ZNF148: variants seen among roughly 807,000 people sequenced by gnomAD.
ZNF148 encodes Beta-Enolase Repressor Factor-1.
A neutral mutation model predicts 67.7 loss-of-function variants in ZNF148; 7 were observed. The ratio of observed to expected loss-of-function variants is 0.10; its 90% confidence interval spans 0.06 to 0.19. The LOEUF (loss-of-function observed/expected upper bound fraction) is 0.19. ZNF148 is among the 10% of genes least tolerant of loss of function. The pLI is 1.00. For missense variants in ZNF148, 583 were observed against 947.1 expected (o/e 0.62, Z 5.05); for synonymous variants, 333 against 330.7 (o/e 1.01, Z -0.08).
At position 125,227,074 on chromosome 3, in the gene ZNF148, C is replaced by T. The variant is rs1413045259; in HGVS notation, c.*5267G>A. Reference sequence around the variant, plus strand: ...GAAGAAACAACCTGCTGCAACCTTCCCAAGACACACGATGCCCCCCTTTCC... The same window carrying T: ...GAAGAAACAACCTGCTGCAACCTTCTCAAGACACACGATGCCCCCCTTTCC... On this transcript the variant is annotated 3_prime_UTR_variant, in exon 9 of 9. Transcript: ENST00000360647. 6.6e-6 allele frequency: 1 copy of T among 152,002 alleles called. No homozygotes were observed. The highest frequency in any genetic ancestry group is 1.5e-5 in the Non-Finnish European group (1 of 68,014). The allele number at this position is 152,002 out of a possible 1,614,324, so 9.4% of individuals were successfully genotyped here.
intron 1 of ZNF148, among the ~76,000 whole-genome samples, chr3:125,332,585 A>G (rs902275816): frequency 6.6e-6 from 1 of 152,242 alleles, no homozygotes; most frequent in Non-Finnish European, 1.5e-5. Context: ...GAGTCTCAGC[A>G]AATCACAGTA....
chr3:125,259,463 T>C (rs146142540), intron 7 of ZNF148, among the ~76,000 whole-genome samples: 1 of 152,356 alleles, frequency 6.6e-6, no homozygotes, highest in East Asian at 1.9e-4. Context: ...ACATTAAACA[T>C]ACAGGCATAC....
chr3:125,342,621 C>T (rs1941776735), intron 1 of ZNF148, among the ~76,000 whole-genome samples: 1 of 150,896 alleles, frequency 6.6e-6, no homozygotes. Flanking sequence ...GCACACCTAT[C>T]CATAAAAGAC....
chr3:125,336,053 C>A (rs1307057222), intron 1 of ZNF148, among the ~76,000 whole-genome samples: 2 of 152,296 alleles, frequency 1.3e-5, no homozygotes, highest in East Asian at 3.9e-4. Context: ...AAAAGCCATT[C>A]ATTGATAAAG....
intron 2 of ZNF148, among the ~76,000 whole-genome samples, chr3:125,325,351 A>C (rs926360627): frequency 3.9e-5 from 6 of 152,216 alleles, no homozygotes; most frequent in Non-Finnish European, 5.9e-5. Flanking sequence ...AAATGAACAG[A>C]GCCTCAAAGA....
chr3:125,282,753 A>T (rs1295750591), intron 5 of ZNF148, among the ~76,000 whole-genome samples: 1 of 152,132 alleles, frequency 6.6e-6, no homozygotes, highest in Non-Finnish European at 1.5e-5. Flanking sequence ...ATCTTAAATA[A>T]TATACCCATT....
rs1345977870 is a variant in ZNF148, at chr3:125,233,427, C to T, written c.1299G>A (p.Gln433=). ...CATTGCCTTCTGAGTCCAGTAAAGCCTGTTTATCCACAAGTTCAAAAGCAT... is the reference window on the plus strand; with the variant it reads ...CATTGCCTTCTGAGTCCAGTAAAGCTTGTTTATCCACAAGTTCAAAAGCAT... ...SKYAFELVDK[Q]ALLDSEGNAD... The change falls in exon 9 of 9, where the codon CAG becomes CAA. Residue 433 remains glutamine (Q), a synonymous_variant. Transcript: ENST00000360647. The surrounding 1 kb of genome is among the most constrained non-coding windows in gnomAD (Gnocchi z 5.1). 1.2e-6 allele frequency: 2 copies of T among 1,613,828 alleles called. No homozygotes were observed. The highest frequency in any genetic ancestry group is 1.7e-6 in the Non-Finnish European group (2 of 1,179,952).
intron 1 of ZNF148, among the ~76,000 whole-genome samples, chr3:125,349,211 C>T (rs750375842): frequency 2.6e-5 from 4 of 152,074 alleles, no homozygotes; most frequent in South Asian, 4.1e-4. Flanking sequence ...GGGCAACAAG[C>T]GTAAAAACAG....
At chr3:125,371,680 T>C (rs981111161) in intron 1 of ZNF148, among the ~76,000 whole-genome samples, 12 of 144,958 alleles carry the variant, frequency 8.3e-5, no homozygotes, top group Non-Finnish European at 1.1e-4. Context: ...AAAAAAAGAA[T>C]TGCCACAGAA....
At chr3:125,298,498 T>G (rs976502368) in intron 4 of ZNF148, among the ~76,000 whole-genome samples, 1 of 151,894 alleles carries the variant, frequency 6.6e-6, no homozygotes, top group East Asian at 1.9e-4. Context: ...CAGTTTTACA[T>G]GCAATAACAT....
At chr3:125,242,356 C>T (rs1294017484) in intron 7 of ZNF148, among the ~76,000 whole-genome samples, 1 of 152,216 alleles carries the variant, frequency 6.6e-6, no homozygotes, top group Non-Finnish European at 1.5e-5. Flanking sequence ...TGCAGTGGCT[C>T]ATGCCTATAA....
chr3:125,272,581 A>T (rs1380577830), intron 7 of ZNF148, among the ~76,000 whole-genome samples: 1 of 152,122 alleles, frequency 6.6e-6, no homozygotes, highest in East Asian at 1.9e-4. Context: ...AAACAAAAAA[A>T]ATTTAAGTAT....
intron 1 of ZNF148, among the ~76,000 whole-genome samples, chr3:125,359,174 G>C (rs1453726716): frequency 6.6e-6 from 1 of 152,172 alleles, no homozygotes. Flanking sequence ...AGAACCCTGG[G>C]CCCTCTCAGG....
chr3:125,245,587 CA>C (rs1225567501), intron 7 of ZNF148, among the ~76,000 whole-genome samples: 5 of 152,192 alleles, frequency 3.3e-5, no homozygotes. Flanking sequence ...CTAAACTGCA[CA>C]AATGAGAGAA....
chr3:125,280,758 C>CAAAA (rs1299591282), intron 5 of ZNF148, among the ~76,000 whole-genome samples: 5 of 93,508 alleles, frequency 5.3e-5, no homozygotes, highest in Admixed American at 1.3e-4. Flanking sequence ...TTGACGAAAG[C>CAAAA]AAAAAAAAAA....
intron 5 of ZNF148, among the ~76,000 whole-genome samples, chr3:125,283,449 A>C (rs1938495390): frequency 6.6e-6 from 1 of 152,152 alleles, no homozygotes; most frequent in African/African-American, 2.4e-5. Flanking sequence ...TGTTTCCTGA[A>C]TATTAGGCAA....
chr3:125,272,815 C>T (rs1457645836), intron 7 of ZNF148, among the ~76,000 whole-genome samples: 2 of 152,020 alleles, frequency 1.3e-5, no homozygotes, highest in African/African-American at 2.4e-5. Context: ...TTTCTAAAAG[C>T]TTTGTTAAAG....
At chr3:125,307,154 T>C (rs1939923997) in intron 4 of ZNF148, among the ~76,000 whole-genome samples, 3 of 152,020 alleles carry the variant, frequency 2.0e-5, no homozygotes, top group Non-Finnish European at 2.9e-5. Context: ...CGATACATCA[T>C]GACCAAGTGT....
Position 125,227,692 on chromosome 3 carries a change from T to C in ZNF148, c.*4649A>G, listed in dbSNP as rs1935695363. 6.6e-6 allele frequency: 1 copy of C among 152,632 alleles called. No homozygotes were observed. The highest frequency in any genetic ancestry group is 1.5e-5 in the Non-Finnish European group (1 of 68,030). The allele number at this position is 152,632 out of a possible 1,614,324, so 9.5% of individuals were successfully genotyped here. ...ACAATGAAAAATTTCCCCCATATTG[T>C]TGCAAAATTCTTTCTACTGAAATGC... On this transcript the variant is annotated 3_prime_UTR_variant, in exon 9 of 9. Transcript: ENST00000360647.
Sources: allele counts gnomAD v4.1 joint callset (sites outside exome capture counted in the v4.1 genomes callset), GRCh38; gene constraint gnomAD v4.1.1; non-coding constraint Gnocchi (gnomAD v3.1); transcripts MANE v1.5; gene names NCBI Gene and HGNC (gene_info 2026-07-23, HGNC 2026-07-21).